GRIA2: variants seen among roughly 807,000 people sequenced by gnomAD.
GRIA2 encodes the protein glutamate ionotropic receptor AMPA type subunit 2.
GRIA2 carries 14 observed loss-of-function variants against 97.3 expected under a neutral mutation model. That is an observed-to-expected ratio of 0.14 (90% confidence interval 0.10 to 0.23). The LOEUF (loss-of-function observed/expected upper bound fraction) is 0.23. GRIA2 is among the 10% of genes least tolerant of loss of function. The pLI, the probability that GRIA2 is intolerant of heterozygous loss-of-function variation, is 1.00. For synonymous variants in GRIA2, 412 were observed against 387.8 expected, an observed-to-expected ratio of 1.06 and a Z score of -0.73; for missense variants, 558 against 1,069.8, an observed-to-expected ratio of 0.52 and a Z score of 6.67.
At chr4:157,358,889 A>C (rs1736511579) in intron 12 of GRIA2, among the ~76,000 whole-genome samples, 2 of 152,174 alleles carry the variant, frequency 1.3e-5, no homozygotes, top group African/African-American at 4.8e-5. Context: ...TAAATTCCTT[A>C]GAATAAAAAA....
At chr4:157,351,094 A>G (rs1178577185) in intron 12 of GRIA2, among the ~76,000 whole-genome samples, 2 of 152,078 alleles carry the variant, frequency 1.3e-5, no homozygotes, top group Non-Finnish European at 2.9e-5. Context: ...GTATATAATC[A>G]GTGGTATAAC....
chr4:157,305,286 A>G (rs1005031278), intron 3 of GRIA2, among the ~76,000 whole-genome samples: 5 of 151,974 alleles, frequency 3.3e-5, no homozygotes, highest in Admixed American at 6.6e-5. Flanking sequence ...GCCTAATTAT[A>G]TGTCTGTAGA....
intron 3 of GRIA2, among the ~76,000 whole-genome samples, chr4:157,306,637 T>A (rs1733856972): frequency 6.6e-6 from 1 of 152,212 alleles, no homozygotes; most frequent in African/African-American, 2.4e-5. Context: ...CAGACATAAA[T>A]ATGTAAGACT....
chr4:157,305,978 A>C (rs1224934660), intron 3 of GRIA2, among the ~76,000 whole-genome samples: 1 of 152,146 alleles, frequency 6.6e-6, no homozygotes, highest in African/African-American at 2.4e-5. Context: ...GCTTCAGATA[A>C]TGCTAGAAAG....
At chr4:157,244,216 A>T (rs1201914875) in intron 2 of GRIA2, among the ~76,000 whole-genome samples, 2 of 152,016 alleles carry the variant, frequency 1.3e-5, no homozygotes, top group Non-Finnish European at 2.9e-5. Flanking sequence ...TGTCTTTGCA[A>T]CAGAGAGAGG....
chr4:157,267,929 A>G (rs1381379340), intron 2 of GRIA2, among the ~76,000 whole-genome samples: 1 of 152,148 alleles, frequency 6.6e-6, no homozygotes, highest in African/African-American at 2.4e-5. Context: ...AGAGATGATC[A>G]AAGTTTATAA....
intron 1 of GRIA2, 189 bp from the exon 2 acceptor site, chr4:157,221,478 C>G: frequency 1.6e-6 from 1 of 613,664 alleles, no homozygotes; most frequent in Non-Finnish European, 2.9e-6. Flanking sequence ...CCTTCAGACT[C>G]TCATCTGGGT....
chr4:157,309,772 CA>C (rs764987711), intron 3 of GRIA2, among the ~76,000 whole-genome samples: 17 of 151,906 alleles, frequency 1.1e-4, no homozygotes, highest in Non-Finnish European at 2.2e-4. Flanking sequence ...TAATATATGT[CA>C]AAAGTTGAGA....
rs1167221318 is a variant in GRIA2, at chr4:157,364,207, C to A, written c.*776C>A. On this transcript the variant is annotated 3_prime_UTR_variant, in exon 16 of 16. Transcript: ENST00000264426. The stretch of plus-strand genomic sequence containing the variant: ...TATTGTTATTAAAACTTTAATGTAT[C>A]CTATTCTTTAACATTTGGTGTTAAT... 6.6e-6 allele frequency: 1 copy of A among 152,482 alleles called. No individual in the cohort carries two copies. Among genetic ancestry groups the A allele is most frequent in the African/African-American group, 2.4e-5 (1 of 41,526 alleles). The allele number at this position is 152,482 out of a possible 1,614,324, so 9.4% of individuals were successfully genotyped here. A position where few individuals can be genotyped will look rare whatever the true frequency, so the allele number is the denominator to read the frequency against.
chr4:157,295,013 T>C (rs1006731631), intron 2 of GRIA2, among the ~76,000 whole-genome samples: 2 of 152,140 alleles, frequency 1.3e-5, no homozygotes, highest in Non-Finnish European at 2.9e-5. Flanking sequence ...GGTAATTCTC[T>C]TTCGTTTATG....
At chr4:157,227,024 G>A (rs539979751) in intron 2 of GRIA2, among the ~76,000 whole-genome samples, 21 of 152,210 alleles carry the variant, frequency 1.4e-4, no homozygotes, top group East Asian at 3.9e-4. Context: ...AAATGAGTGC[G>A]TATTAAGTAG....
chr4:157,333,236 A>T lies in GRIA2; in HGVS notation c.1051-13A>T. On this transcript the variant is annotated splice_polypyrimidine_tract_variant and intron_variant, in intron 7 of 15. Transcript: ENST00000264426. ...AAATATATAACTCTGCTGCTTTCCC[A>T]TTTCTTCATTAGGTTCAGGTTGAAG... 1 of 1,446,450 alleles carries T rather than the reference A, an allele frequency of 6.9e-7. No homozygotes were observed. Among genetic ancestry groups the T allele is most frequent in the Non-Finnish European group, 9.6e-7 (1 of 1,040,218 alleles). The allele number at this position is 1,446,450 out of a possible 1,614,324, so 89.6% of individuals were successfully genotyped here. A position where few individuals can be genotyped will look rare whatever the true frequency, so the allele number is the denominator to read the frequency against.
At chr4:157,284,305 C>CA (rs1250533860) in intron 2 of GRIA2, among the ~76,000 whole-genome samples, 1 of 151,770 alleles carries the variant, frequency 6.6e-6, no homozygotes. Flanking sequence ...TAGGACACTG[C>CA]AAGTGGCATT....
intron 2 of GRIA2, among the ~76,000 whole-genome samples, chr4:157,242,474 C>A (rs532396738): frequency 2.0e-5 from 3 of 152,004 alleles, no homozygotes; most frequent in African/African-American, 7.2e-5. Context: ...TACAGTTCAC[C>A]AAGTAATATT....
chr4:157,245,105 G>A (rs1371424180), intron 2 of GRIA2, among the ~76,000 whole-genome samples: 3 of 151,994 alleles, frequency 2.0e-5, no homozygotes, highest in Non-Finnish European at 2.9e-5. Context: ...TCTACACACA[G>A]TAAATGAGGT....
intron 2 of GRIA2, among the ~76,000 whole-genome samples, chr4:157,227,993 A>C (rs1729824423): frequency 6.6e-6 from 1 of 152,224 alleles, no homozygotes; most frequent in Admixed American, 6.5e-5. Context: ...TCTAACACCT[A>C]TTATTTTTCA....
In GRIA2 at chr4:157,312,822, C is replaced by G. The variant is rs200369612; in HGVS notation, c.613C>G (p.Arg205Gly). ...LFQDLELKKERRVILDCERDK... is the reference protein window; with the variant it reads ...LFQDLELKKEGRVILDCERDK... ...TCAAGATCTGGAGTTAAAAAAGGAA[C>G]GGCGTGTAATTCTGGACTGTGAAAG... The change falls in exon 4 of 16, where the codon CGG (arginine) becomes GGG (glycine). Residue 205 changes from arginine to glycine, a missense_variant. Arg to Gly is a moderately radical substitution (Grantham distance 125). Coordinates refer to ENST00000264426, the MANE Select transcript of GRIA2 (RefSeq NM_001083619.3). 6.2e-7 allele frequency: 1 copy of G among 1,611,116 alleles called. No individual in the cohort carries two copies. Among genetic ancestry groups the G allele is most frequent in the African/African-American group, 1.3e-5 (1 of 74,742 alleles).
intron 2 of GRIA2, among the ~76,000 whole-genome samples, chr4:157,222,757 C>A (rs917843148): frequency 3.3e-5 from 5 of 152,188 alleles, no homozygotes; most frequent in Admixed American, 2.6e-4. Flanking sequence ...GCGCAGTGCT[C>A]CGGGACTCGC....
chr4:157,265,168 G>T (rs1473593960), intron 2 of GRIA2, among the ~76,000 whole-genome samples: 1 of 152,026 alleles, frequency 6.6e-6, no homozygotes, highest in Non-Finnish European at 1.5e-5. Context: ...TTGGGCACCT[G>T]CTGTAAACCA....
Sources: allele counts gnomAD v4.1 joint callset (sites outside exome capture counted in the v4.1 genomes callset), GRCh38; gene constraint gnomAD v4.1.1; transcripts MANE v1.5; gene names NCBI Gene and HGNC (gene_info 2026-07-23, HGNC 2026-07-21).